Variants in UBE3A observed in about 807,000 individuals in gnomAD.
The protein encoded by UBE3A is ubiquitin protein ligase E3A.
Under a neutral mutation model 83.4 loss-of-function variants are expected in UBE3A, and 6 were observed. The observed-to-expected ratio is 0.07, with a 90% confidence interval of 0.04 to 0.14. UBE3A has a LOEUF of 0.14. UBE3A is among the 10% of genes least tolerant of loss of function. UBE3A has a pLI of 1.00. For synonymous variants in UBE3A, 337 were observed against 355.4 expected (o/e 0.95, Z 0.58); for missense variants, 456 against 1,036.1 (o/e 0.44, Z 7.69).
At chr15:25,431,300 C>T (rs540820500) in intron 1 of UBE3A, among the ~76,000 whole-genome samples, 8 of 152,278 alleles carry the variant, frequency 5.3e-5, no homozygotes, top group African/African-American at 1.7e-4. Context: ...AAACTTTACA[C>T]TTCTTAGAAA....
At chr15:25,374,024 C>T (rs998771041) in intron 5 of UBE3A, 1 of 152,108 alleles carries the variant, frequency 6.6e-6, no homozygotes, top group Non-Finnish European at 1.5e-5. Context: ...ACTTATGCAA[C>T]TTTGTAATTA....
chr15:25,433,407 C>T (rs558766697), intron 1 of UBE3A, among the ~76,000 whole-genome samples: 36 of 152,088 alleles, frequency 2.4e-4, no homozygotes, highest in African/African-American at 8.4e-4. Context: ...AGGATGGTCT[C>T]GATCTCCTGA....
At chr15:25,413,833 C>A (rs1038600500) in intron 1 of UBE3A, among the ~76,000 whole-genome samples, 1 of 152,134 alleles carries the variant, frequency 6.6e-6, no homozygotes, top group Non-Finnish European at 1.5e-5. Context: ...CTGCTAATGA[C>A]TCCTCACCTC....
At chr15:25,428,052 C>T (rs185496480) in intron 1 of UBE3A, among the ~76,000 whole-genome samples, 2 of 152,146 alleles carry the variant, frequency 1.3e-5, no homozygotes, top group Admixed American at 6.5e-5. Flanking sequence ...AGAAGATAAG[C>T]ATAGACTGGT....
chr15:25,387,500 C>T (rs996621979), intron 4 of UBE3A, among the ~76,000 whole-genome samples: 20 of 151,006 alleles, frequency 1.3e-4, no homozygotes, highest in East Asian at 7.8e-4. Context: ...CCAGCCTGGG[C>T]GACAAAGCGA....
chr15:25,401,777 C>G (rs1455520510), intron 4 of UBE3A, among the ~76,000 whole-genome samples: 1 of 151,952 alleles, frequency 6.6e-6, no homozygotes, highest in Non-Finnish European at 1.5e-5. Context: ...TTTCCTTAGT[C>G]TAGCCAAATA....
In UBE3A at chr15:25,335,623, T is replaced by C. The variant is rs893556665; in HGVS notation, c.*3514A>G. ...GAGATTTTGATGATTGGGGTGAAGG[T>C]TACATTTCTTAAAAAGAAACAAAGA... On this transcript the variant is annotated 3_prime_UTR_variant, in exon 13 of 13. Coordinates refer to ENST00000648336, the MANE Select transcript of UBE3A (RefSeq NM_130839.5). 6.6e-6 allele frequency: 1 copy of C among 152,080 alleles called. No homozygotes were observed. Among genetic ancestry groups the C allele is most frequent in the African/African-American group, 2.4e-5 (1 of 41,414 alleles). The allele number at this position is 152,080 out of a possible 1,614,324, so 9.4% of individuals were successfully genotyped here.
chr15:25,375,407 T>A, intron 5 of UBE3A, 58 bp downstream of exon 5: 1 of 1,575,582 alleles, frequency 6.3e-7, no homozygotes, highest in Admixed American at 1.8e-5. Context: ...ACTAATACAT[T>A]TAAATCTCCC....
intron 5 of UBE3A, among the ~76,000 whole-genome samples, chr15:25,373,173 A>G (rs1439098958): frequency 2.0e-5 from 3 of 152,194 alleles, no homozygotes; most frequent in Non-Finnish European, 4.4e-5. Context: ...CCTATTTCTC[A>G]TTATTTTCAT....
intron 4 of UBE3A, among the ~76,000 whole-genome samples, chr15:25,395,228 C>A (rs921479420): frequency 5.3e-5 from 8 of 152,096 alleles, no homozygotes; most frequent in South Asian, 4.1e-4. Context: ...TCACACAGGG[C>A]CATGTAAATC....
rs540291374 is a variant in UBE3A at position 25,336,914 on chromosome 15, G to C, written c.*2223C>G. On this transcript the variant is annotated 3_prime_UTR_variant, in exon 13 of 13. Coordinates refer to ENST00000648336, the MANE Select transcript of UBE3A (RefSeq NM_130839.5). ...TGGGGTAGAGGAAGTATCCACTGTA[G>C]TCAAAATGTCTATGTTTTGCTCTTC... The C allele has an allele frequency of 6.6e-6, 1 of 152,222 alleles. No individual in the cohort carries two copies. Among genetic ancestry groups the C allele is most frequent in the African/African-American group, 2.4e-5 (1 of 41,542 alleles). The allele number at this position is 152,222 out of a possible 1,614,324, so 9.4% of individuals were successfully genotyped here. A position where few individuals can be genotyped will look rare whatever the true frequency, so the allele number is the denominator to read the frequency against.
chr15:25,359,635 C>T lies in UBE3A; in HGVS notation c.1753+748G>A, dbSNP rs528426618. ...TAATTGTCATGTACTCAATTTTAAA[C>T]GTAAGCAAGCTCAGTTACTAAGTGG... On this transcript the variant is annotated intron_variant, in intron 7 of 12. Coordinates refer to ENST00000648336, the MANE Select transcript of UBE3A (RefSeq NM_130839.5). 9.2e-5 allele frequency among the ~76,000 whole-genome samples: 14 copies of T among 152,142 alleles called. No homozygotes were observed. In the South Asian group the frequency reaches 2.1e-3, roughly 23 times the overall value.
At chr15:25,428,496 A>C (rs1463770190) in intron 1 of UBE3A, among the ~76,000 whole-genome samples, 1 of 152,184 alleles carries the variant, frequency 6.6e-6, no homozygotes, top group Non-Finnish European at 1.5e-5. Context: ...TTTTACTCTT[A>C]TTCTGGTAAC....
chr15:25,411,361 G>C (rs899703365), intron 2 of UBE3A, among the ~76,000 whole-genome samples: 1 of 152,014 alleles, frequency 6.6e-6, no homozygotes, highest in East Asian at 1.9e-4. Flanking sequence ...AGGCCAAGGC[G>C]GGTGGATCAC....
At chr15:25,365,082 TTCC>T (rs971303725) in intron 6 of UBE3A, among the ~76,000 whole-genome samples, 1 of 152,170 alleles carries the variant, frequency 6.6e-6, no homozygotes, top group Admixed American at 6.5e-5. Context: ...ACTGCGTAAC[TTCC>T]TCTTCTTTAA....
chr15:25,405,575 G>T lies in UBE3A; in HGVS notation c.21-73C>A, dbSNP rs1342520983. ...AAAAAAAAGGTAGACATATTACTTA[G>T]GAAGACAATTTTGTAAACAAGATTT... On this transcript the variant is annotated intron_variant, in intron 3 of 12. Coordinates refer to ENST00000648336, the MANE Select transcript of UBE3A (RefSeq NM_130839.5). 8.8e-6 allele frequency: 13 copies of T among 1,485,582 alleles called. No homozygotes were observed. In the East Asian group the frequency reaches 2.9e-4, roughly 34 times the overall value. The allele number at this position is 1,485,582 out of a possible 1,614,324, so 92.0% of individuals were successfully genotyped here. A position where few individuals can be genotyped will look rare whatever the true frequency, so the allele number is the denominator to read the frequency against.
At chr15:25,396,361 T>C (rs1265508374) in intron 4 of UBE3A, among the ~76,000 whole-genome samples, 3 of 151,950 alleles carry the variant, frequency 2.0e-5, no homozygotes, top group African/African-American at 7.3e-5. Flanking sequence ...TCCCAGCACT[T>C]TGTGAGGCCA....
At chr15:25,362,808 G>C (rs1342313854) in intron 6 of UBE3A, among the ~76,000 whole-genome samples, 5 of 152,136 alleles carry the variant, frequency 3.3e-5, no homozygotes, top group Non-Finnish European at 7.4e-5. Context: ...TTCCCAACTG[G>C]CTAGGTGTTA....
At chr15:25,383,969 C>A (rs1452264623) in intron 4 of UBE3A, among the ~76,000 whole-genome samples, 9 of 151,726 alleles carry the variant, frequency 5.9e-5, no homozygotes, top group Non-Finnish European at 1.5e-5. Context: ...AGAAAAAAAA[C>A]CGTTAGAATA....
Sources: gnomAD v4.1 joint callset for allele counts (sites outside exome capture counted in the v4.1 genomes callset) on GRCh38, gnomAD v4.1.1 for gene constraint, MANE v1.5 for transcripts, NCBI Gene and HGNC (gene_info 2026-07-23, HGNC 2026-07-21) for gene names.